Variants in B3GAT1 observed in about 807,000 individuals in gnomAD.
The protein encoded by B3GAT1 is galactosylgalactosylxylosylprotein 3-beta-glucuronosyltransferase 1.
In B3GAT1, 11 loss-of-function variants were observed where a neutral mutation model predicts 28.4. The ratio of observed to expected loss-of-function variants is 0.39; its 90% CI spans 0.24 to 0.64. The LOEUF is 0.64. Ranked by LOEUF, B3GAT1 falls within the 30% of genes least tolerant of loss-of-function variation. The pLI is 0.50. For missense variants in B3GAT1, 375 were observed against 491.0 expected, an observed-to-expected ratio of 0.76 and a Z score of 2.23; for synonymous variants, 255 against 223.1, an observed-to-expected ratio of 1.14 and a Z score of -1.27.
Position 134,382,802 on chromosome 11 carries a change from G to T in B3GAT1, c.826C>A (p.Arg276=), listed in dbSNP as rs773055144. Residue 276 remains arginine (R), a synonymous_variant, in exon 4 of 6, where the codon CGA becomes AGA. Transcript: ENST00000312527. ...TCCTGGTAGCCTCCCTTCACACCTCGCAGCTTGAAGTAGGCCTGGCTTCGC... is the reference window on the plus strand; with the variant it reads ...TCCTGGTAGCCTCCCTTCACACCTCTCAGCTTGAAGTAGGCCTGGCTTCGC... ...LQRSQAYFKL[R]GVKGGYQESS... is the part of the protein sequence containing the mutation. 5.6e-6 allele frequency: 9 copies of T among 1,614,076 alleles called. No homozygotes were observed. The highest frequency in any genetic ancestry group is 5.9e-6 in the Non-Finnish European group (7 of 1,180,040).
At chr11:134,408,883 A>G (rs565323010) in intron 1 of B3GAT1, among the ~76,000 whole-genome samples, 5 of 129,652 alleles carry the variant, frequency 3.9e-5, no homozygotes, top group African/African-American at 1.3e-4. Flanking sequence ...GACAGCCTGC[A>G]CCGATTCCAG....
At chr11:134,410,966 C>A (rs7108756) in intron 1 of B3GAT1, among the ~76,000 whole-genome samples, 31,779 of 152,212 alleles carry the variant, frequency 0.21, 4,144 homozygotes, top group African/African-American at 0.37. Context: ...TCAGCTCCAG[C>A]TTCTACAAGA....
intron 1 of B3GAT1, chr11:134,390,861 G>C (rs1944396478): frequency 6.6e-6 from 1 of 152,330 alleles, no homozygotes; most frequent in Non-Finnish European, 1.5e-5. Context: ...ACCTGGGCCA[G>C]GCGCAGGGTG....
intron 1 of B3GAT1, among the ~76,000 whole-genome samples, chr11:134,394,443 AC>A (rs1348957078): frequency 1.3e-5 from 2 of 152,102 alleles, no homozygotes; most frequent in Non-Finnish European, 2.9e-5. Context: ...TGCCCACACC[AC>A]GTCCCCCTGC....
chr11:134,402,206 GAC>G (rs1944629477), intron 1 of B3GAT1, among the ~76,000 whole-genome samples: 1 of 152,186 alleles, frequency 6.6e-6, no homozygotes, highest in African/African-American at 2.4e-5. Context: ...GTTTGGAACT[GAC>G]ACACTGAGCT....
chr11:134,384,243 A>T (rs1944221038), intron 2 of B3GAT1, 55 bp from the exon 3 acceptor site: 1 of 1,498,358 alleles, frequency 6.7e-7, no homozygotes, highest in Non-Finnish European at 8.9e-7. Context: ...ACGGCCCTGG[A>T]TTCAGAGCGG....
In B3GAT1 at chr11:134,396,944, C is replaced by T. The variant is rs147069974; in HGVS notation, c.-281-9004G>A. Among the ~76,000 whole-genome samples, 581 of 152,328 alleles carry T rather than the reference C, an allele frequency of 3.8e-3. 3 individuals are homozygous for T. Among genetic ancestry groups the T allele is most frequent in the African/African-American group, 0.013 (552 of 41,574 alleles). ...GGCCTCAGCTTCCCCATCTCTCACA[C>T]GGAGCTGCTACACCTCTTGTTGTCT... On this transcript the variant is annotated intron_variant, in intron 1 of 5. Coordinates refer to ENST00000312527, the MANE Select transcript of B3GAT1 (RefSeq NM_054025.3).
intron 1 of B3GAT1, among the ~76,000 whole-genome samples, chr11:134,407,378 C>T (rs369866311): frequency 5.9e-5 from 9 of 152,346 alleles, no homozygotes; most frequent in South Asian, 2.1e-4. Context: ...GCACTCCCCA[C>T]GCCGTGCCGT....
intron 1 of B3GAT1, among the ~76,000 whole-genome samples, chr11:134,395,410 G>A (rs1392381903): frequency 2.6e-5 from 4 of 152,098 alleles, no homozygotes; most frequent in African/African-American, 9.7e-5. Flanking sequence ...GATGGGTGAT[G>A]GGAGTGGGGG....
At chr11:134,399,482 C>T (rs908512996) in intron 1 of B3GAT1, among the ~76,000 whole-genome samples, 1 of 152,206 alleles carries the variant, frequency 6.6e-6, no homozygotes, top group Non-Finnish European at 1.5e-5. Flanking sequence ...CCGTAGGGCC[C>T]CAGAGTGTGA....
rs116191877 is a variant in B3GAT1, at chr11:134,403,742, G to A, written c.-282+8065C>T. On this transcript the variant is annotated intron_variant, in intron 1 of 5. Coordinates refer to ENST00000312527, the MANE Select transcript of B3GAT1 (RefSeq NM_054025.3). ...GAAAATGTGGAATACACATGCAATG[G>A]AATATTATTCAGCCTTAAAAAGGGA... Among the ~76,000 whole-genome samples the A allele has an allele frequency of 3.6e-3, 551 of 152,110 alleles. 2 individuals are homozygous for A. Among genetic ancestry groups the A allele is most frequent in the African/African-American group, 0.013 (530 of 41,480 alleles).
chr11:134,404,017 A>T (rs1461510348), intron 1 of B3GAT1, among the ~76,000 whole-genome samples: 1 of 118,728 alleles, frequency 8.4e-6, no homozygotes, highest in East Asian at 2.9e-4. Flanking sequence ...ATATATATAT[A>T]TATATATATA....
chr11:134,396,411 T>C (rs1565456050), intron 1 of B3GAT1, among the ~76,000 whole-genome samples: 1 of 152,136 alleles, frequency 6.6e-6, no homozygotes, highest in Non-Finnish European at 1.5e-5. Flanking sequence ...ACCACCTCTT[T>C]GCTCTCCTCT....
intron 1 of B3GAT1, among the ~76,000 whole-genome samples, chr11:134,394,817 T>C (rs924520446): frequency 6.6e-6 from 1 of 152,260 alleles, no homozygotes; most frequent in Non-Finnish European, 1.5e-5. Flanking sequence ...TCTGATTTGG[T>C]GCAGAGAATA....
In B3GAT1 at chr11:134,387,666, G is replaced by C; in HGVS notation, c.-7C>G. The C allele has an allele frequency of 6.2e-7, 1 of 1,614,020 alleles. No individual in the cohort carries two copies. The highest frequency in any genetic ancestry group is 8.5e-7 in the Non-Finnish European group (1 of 1,180,012). ...TGTCCCGTCTCTTCGGCATCTCCAA[G>C]GCTGGCTGCACCCACGGCTCCTCAT... On this transcript the variant is annotated 5_prime_UTR_variant, in exon 2 of 6. Coordinates refer to ENST00000312527, the MANE Select transcript of B3GAT1 (RefSeq NM_054025.3).
chr11:134,381,820 G>T, intron 5 of B3GAT1, 104 bp downstream of exon 5: 3 of 927,604 alleles, frequency 3.2e-6, no homozygotes, highest in Non-Finnish European at 3.4e-6. Flanking sequence ...CATCTGCCCT[G>T]TCCTCCACAG....
At chr11:134,388,031 C>CG in intron 1 of B3GAT1, 91 bp from the exon 2 acceptor site, 2 of 463,452 alleles carry the variant, frequency 4.3e-6, no homozygotes, top group South Asian at 3.4e-5. Flanking sequence ...CACACAGCAT[C>CG]GGGGGTTCCA....
In B3GAT1 at chr11:134,383,512, A is replaced by C. The variant is rs575381991; in HGVS notation, c.621+168T>G. 1.1e-4 allele frequency among the ~76,000 whole-genome samples: 16 copies of C among 152,288 alleles called. No homozygotes were observed. In the East Asian group the frequency reaches 3.1e-3, roughly 29 times the overall value. ...CCCCCTAACTTGTGGGGGATGCTTT[A>C]GCCCGCAGTTCCATCCCTTTCCCTG... On this transcript the variant is annotated intron_variant, in intron 3 of 5. Transcript: ENST00000312527.
At position 134,384,127 on chromosome 11, in the gene B3GAT1, C is replaced by G. The variant is rs755439844; in HGVS notation, c.174G>C (p.Thr58=). Residue 58 remains threonine (T), a synonymous_variant, in exon 3 of 6, where the codon ACG becomes ACC. Coordinates refer to ENST00000312527, the MANE Select transcript of B3GAT1 (RefSeq NM_054025.3). ...PPGADPREYC[T]SDRDIVEVVR... ...CCACCTCCACGATGTCGCGGTCAGA[C>G]GTGCAGTACTCCCTGGGGTCGGCGC... The G allele has an allele frequency of 1.3e-6, 2 of 1,581,750 alleles. No homozygotes were observed. Among genetic ancestry groups the G allele is most frequent in the Non-Finnish European group, 1.7e-6 (2 of 1,163,638 alleles).
Sources: gnomAD v4.1 joint callset for allele counts (sites outside exome capture counted in the v4.1 genomes callset) on GRCh38, gnomAD v4.1.1 for gene constraint, MANE v1.5 for transcripts, NCBI Gene and HGNC (gene_info 2026-07-23, HGNC 2026-07-21) for gene names.